Variants in MAGI2 observed in about 807,000 individuals in gnomAD.
The protein encoded by MAGI2 is membrane associated guanylate kinase, WW and PDZ domain containing 2.
A neutral mutation model predicts 133.3 loss-of-function variants in MAGI2; 35 were observed. The ratio of observed to expected loss-of-function variants is 0.26; its 90% CI spans 0.20 to 0.35. The LOEUF is 0.35. MAGI2 is among the 10% of genes least tolerant of loss of function. The pLI, the probability that MAGI2 is intolerant of heterozygous loss-of-function variation, is 1.00. For missense variants in MAGI2, 1,636 were observed against 1,863.4 expected, an observed-to-expected ratio of 0.88 and a Z score of 2.25; for synonymous variants, 729 against 710.6, an observed-to-expected ratio of 1.03 and a Z score of -0.41.
chr7:78,597,448 G>C (rs1339665812), intron 3 of MAGI2, among the ~76,000 whole-genome samples: 1 of 151,732 alleles, frequency 6.6e-6, no homozygotes, highest in Non-Finnish European at 1.5e-5. Context: ...CTTGAAATAC[G>C]GTCAGAGGCA....
At chr7:79,362,118 A>C (rs1842412949) in intron 1 of MAGI2, among the ~76,000 whole-genome samples, 1 of 150,316 alleles carries the variant, frequency 6.7e-6, no homozygotes, top group African/African-American at 2.4e-5. Context: ...AAAATCAATA[A>C]AACACATAGC....
intron 1 of MAGI2, among the ~76,000 whole-genome samples, chr7:79,117,576 T>G (rs183554007): frequency 6.6e-6 from 1 of 152,204 alleles, no homozygotes; most frequent in Non-Finnish European, 1.5e-5. Context: ...TTAGATGTTA[T>G]TATTCATTAT....
At chr7:78,551,336 T>G (rs1799316863) in intron 3 of MAGI2, among the ~76,000 whole-genome samples, 1 of 152,224 alleles carries the variant, frequency 6.6e-6, no homozygotes, top group African/African-American at 2.4e-5. Flanking sequence ...TTACACTGTT[T>G]TTTTGTTTTG....
At position 78,066,678 on chromosome 7, in the gene MAGI2, C is replaced by G. The variant is rs1426021702; in HGVS notation, c.3706+12269G>C. Among the ~76,000 whole-genome samples, 4 of 152,224 alleles carry G rather than the reference C, an allele frequency of 2.6e-5. No individual in the cohort carries two copies. In the East Asian group the frequency reaches 7.7e-4, roughly 29 times the overall value. ...TTCTTTACCTATACAAAGATGAGTA[C>G]TAGAAATTCTGGAATATCTAGATTA... On this transcript the variant is annotated intron_variant, in intron 21 of 21. Transcript: ENST00000354212.
intron 1 of MAGI2, among the ~76,000 whole-genome samples, chr7:79,267,924 T>C (rs1345926353): frequency 6.6e-6 from 1 of 152,170 alleles, no homozygotes; most frequent in Non-Finnish European, 1.5e-5. Flanking sequence ...TGATTCTCTT[T>C]GGAAATTAAA....
intron 1 of MAGI2, among the ~76,000 whole-genome samples, chr7:79,335,360 G>C (rs751042167): frequency 7.2e-5 from 11 of 152,076 alleles, no homozygotes; most frequent in Non-Finnish European, 1.2e-4. Flanking sequence ...AAAAATGCCT[G>C]CTGTGATATG....
chr7:78,322,776 T>G (rs993222229), intron 9 of MAGI2, among the ~76,000 whole-genome samples: 2 of 152,070 alleles, frequency 1.3e-5, no homozygotes, highest in African/African-American at 4.8e-5. Flanking sequence ...TTAGGTGAAC[T>G]AAATCTAAAC....
intron 6 of MAGI2, among the ~76,000 whole-genome samples, chr7:78,404,713 A>T (rs1434993959): frequency 6.6e-6 from 1 of 152,184 alleles, no homozygotes; most frequent in Non-Finnish European, 1.5e-5. Flanking sequence ...AACCATAAAA[A>T]TCCTAGAAGA....
intron 6 of MAGI2, among the ~76,000 whole-genome samples, chr7:78,464,735 T>A (rs78899935): frequency 8.7e-6 from 1 of 115,162 alleles, no homozygotes; most frequent in Admixed American, 7.6e-5. Flanking sequence ...AGAACCTGAT[T>A]TTTTTTTTTT....
chr7:78,557,141 G>C (rs571367605), intron 3 of MAGI2, among the ~76,000 whole-genome samples: 1 of 148,512 alleles, frequency 6.7e-6, no homozygotes, highest in South Asian at 2.1e-4. Flanking sequence ...AGGAAACTGA[G>C]GCTAGAAGAT....
intron 10 of MAGI2, among the ~76,000 whole-genome samples, chr7:78,238,852 TC>T: frequency 6.6e-6 from 1 of 152,270 alleles, no homozygotes; most frequent in East Asian, 1.9e-4. Context: ...AAACCCAAAG[TC>T]CTTTCTCTGG....
At chr7:78,934,778 C>T (rs1239075719) in intron 2 of MAGI2, among the ~76,000 whole-genome samples, 1 of 152,110 alleles carries the variant, frequency 6.6e-6, no homozygotes, top group East Asian at 1.9e-4. Context: ...TTTCTGCTCC[C>T]AGGCATTTCA....
chr7:78,348,187 T>G (rs185370736), intron 7 of MAGI2, among the ~76,000 whole-genome samples: 58 of 152,274 alleles, frequency 3.8e-4, no homozygotes, highest in African/African-American at 1.3e-3. Flanking sequence ...CCACGAGAGA[T>G]TCAGTATGTA....
chr7:79,073,459 C>T (rs902659619), intron 1 of MAGI2, among the ~76,000 whole-genome samples: 5 of 151,998 alleles, frequency 3.3e-5, no homozygotes, highest in Non-Finnish European at 7.4e-5. Flanking sequence ...GTTTGGATAA[C>T]GAGTTATATA....
intron 2 of MAGI2, among the ~76,000 whole-genome samples, chr7:78,848,854 T>G (rs1792873665): frequency 6.6e-6 from 1 of 152,048 alleles, no homozygotes; most frequent in Admixed American, 6.6e-5. Context: ...CTCTTATCTC[T>G]TATCACCTTA....
chr7:78,661,641 T>C (rs1186650803), intron 2 of MAGI2, among the ~76,000 whole-genome samples: 1 of 152,210 alleles, frequency 6.6e-6, no homozygotes, highest in Non-Finnish European at 1.5e-5. Context: ...ACTAGACCAG[T>C]GTGTAGCTGC....
At position 78,838,833 on chromosome 7, in the gene MAGI2, G is replaced by T. The variant is rs1791882367; in HGVS notation, c.418+168257C>A. On this transcript the variant is annotated intron_variant, in intron 2 of 21. Coordinates refer to ENST00000354212, the MANE Select transcript of MAGI2 (RefSeq NM_012301.4). ...CAAAGTAAAATGTAATTGTTTCCCT[G>T]TTAAGCAAATAAAACAATAACTAAG... Among the ~76,000 whole-genome samples, 3 of 151,946 alleles carry T rather than the reference G, an allele frequency of 2.0e-5. No individual in the cohort carries two copies. In the South Asian group the frequency reaches 6.2e-4, roughly 32 times the overall value.
chr7:78,486,771 C>G (rs568278228), intron 6 of MAGI2: 1 of 418,274 alleles, frequency 2.4e-6, no homozygotes, highest in African/African-American at 2.0e-5. Context: ...GTGAGTTTGA[C>G]GTCAAGTTTG....
chr7:79,270,402 ATCAGTTTCC>A (rs1341527403), intron 1 of MAGI2, among the ~76,000 whole-genome samples: 2 of 152,130 alleles, frequency 1.3e-5, no homozygotes, highest in African/African-American at 4.8e-5. Context: ...TGTTTAGATG[ATCAGTTTCC>A]TAACTGAGAG....
Sources: allele counts gnomAD v4.1 joint callset (sites outside exome capture counted in the v4.1 genomes callset), GRCh38; gene constraint gnomAD v4.1.1; transcripts MANE v1.5; gene names NCBI Gene and HGNC (gene_info 2026-07-23, HGNC 2026-07-21).